The following EEA1 variants were observed in gnomAD, a reference collection of about 807,000 sequenced individuals.
The protein encoded by EEA1 is early endosome antigen 1, 162kD.
In EEA1, 111 loss-of-function variants were observed where a neutral mutation model predicts 209.2. The ratio of observed to expected loss-of-function variants is 0.53; its 90% CI spans 0.45 to 0.62. The LOEUF is 0.62. EEA1 is among the 20% of genes least tolerant of loss of function. The pLI, the probability that EEA1 is intolerant of heterozygous loss-of-function variation, is 0.00. For missense variants in EEA1, 1,343 were observed against 1,530.8 expected (o/e 0.88, Z 2.05); for synonymous variants, 536 against 540.6 (o/e 0.99, Z 0.12).
chr12:92,884,065 C>T, intron 2 of EEA1: 2 of 1,325,770 alleles, frequency 1.5e-6, no homozygotes, highest in Non-Finnish European at 2.1e-6. Context: ...TTCTCAAAGA[C>T]CAGGTGCCCA....
chr12:92,804,727 T>A (rs986039614), intron 18 of EEA1, among the ~76,000 whole-genome samples: 1 of 151,844 alleles, frequency 6.6e-6, no homozygotes, highest in African/African-American at 2.4e-5. Context: ...AAATACATTG[T>A]AAGATGGGAG....
At chr12:92,856,610 C>A (rs534445359) in intron 5 of EEA1, among the ~76,000 whole-genome samples, 1 of 151,860 alleles carries the variant, frequency 6.6e-6, no homozygotes, top group South Asian at 2.1e-4. Context: ...CTTTCCCTAC[C>A]AATATACACT....
At chr12:92,897,929 A>T (rs1247279178) in intron 1 of EEA1, among the ~76,000 whole-genome samples, 1 of 152,246 alleles carries the variant, frequency 6.6e-6, no homozygotes, top group Non-Finnish European at 1.5e-5. Context: ...TTGCACACTT[A>T]ATAGACTACA....
intron 2 of EEA1, among the ~76,000 whole-genome samples, chr12:92,881,584 C>T (rs537904663): frequency 6.6e-6 from 1 of 151,958 alleles, no homozygotes; most frequent in African/African-American, 2.4e-5. Context: ...CAGCAAGAGT[C>T]GACTGGACTA....
At chr12:92,830,037 A>C (rs892973401) in intron 11 of EEA1, among the ~76,000 whole-genome samples, 2 of 151,918 alleles carry the variant, frequency 1.3e-5, no homozygotes, top group Non-Finnish European at 2.9e-5. Context: ...GGGTTGAAAA[A>C]TTACCTGTTG....
At chr12:92,820,007 C>T (rs1295654311) in intron 13 of EEA1, among the ~76,000 whole-genome samples, 1 of 152,182 alleles carries the variant, frequency 6.6e-6, no homozygotes, top group East Asian at 1.9e-4. Context: ...TATTCCCTAT[C>T]TTGGTTATCA....
intron 8 of EEA1, 126 bp from the exon 9 acceptor site, chr12:92,851,392 A>C: frequency 1.1e-6 from 1 of 884,050 alleles, no homozygotes; most frequent in Non-Finnish European, 1.7e-6. Flanking sequence ...TTAGACTTCA[A>C]ACATTGAACA....
intron 1 of EEA1, among the ~76,000 whole-genome samples, chr12:92,909,297 ATAT>A (rs777729621): frequency 6.6e-6 from 1 of 152,216 alleles, no homozygotes. Flanking sequence ...AATCTGAAAC[ATAT>A]TATTGTGCCA....
At chr12:92,902,996 G>A (rs537064860) in intron 1 of EEA1, among the ~76,000 whole-genome samples, 5 of 148,812 alleles carry the variant, frequency 3.4e-5, no homozygotes, top group South Asian at 2.1e-4. Flanking sequence ...GTGCAGCGGC[G>A]CGATCTTGAC....
chr12:92,841,540 T>A (rs932543028), intron 10 of EEA1, among the ~76,000 whole-genome samples: 1 of 152,086 alleles, frequency 6.6e-6, no homozygotes. Flanking sequence ...GGGGTTAATA[T>A]CCAGAATATA....
At position 92,827,911 on chromosome 12, in the gene EEA1, C is replaced by T; in HGVS notation, c.1404+1G>A. 1 of 1,554,218 alleles carries T rather than the reference C, an allele frequency of 6.4e-7. No individual in the cohort carries two copies. The highest frequency in any genetic ancestry group is 1.2e-5 in the South Asian group (1 of 81,054). ...TCAATAAATTGAAAATGCTAGCTTA[C>T]CTGCTCTTCTAACCGAGAAAGTTTG... On this transcript the variant is annotated splice_donor_variant, in intron 12 of 28. Coordinates refer to ENST00000322349, the MANE Select transcript of EEA1 (RefSeq NM_003566.4). LOFTEE classifies it high-confidence loss of function.
chr12:92,789,576 T>C (rs1192463552), intron 21 of EEA1, among the ~76,000 whole-genome samples: 1 of 151,232 alleles, frequency 6.6e-6, no homozygotes, highest in African/African-American at 2.4e-5. Flanking sequence ...GAGAGGGGGG[T>C]CTGCCATTGC....
intron 3 of EEA1, chr12:92,858,374 G>A (rs878895658): frequency 3.0e-6 from 3 of 1,014,660 alleles, no homozygotes; most frequent in Admixed American, 1.8e-5. Context: ...CTTCCAAAGG[G>A]TTTGACTACA....
intron 12 of EEA1, 141 bp from the exon 13 acceptor site, chr12:92,826,426 T>G: frequency 1.9e-5 from 13 of 673,518 alleles, no homozygotes; most frequent in Non-Finnish European, 3.0e-5. Flanking sequence ...AAGTGGTACC[T>G]TGGCTGGGCA....
chr12:92,879,201 A>AT (rs34766702), intron 2 of EEA1: 34,911 of 233,242 alleles, frequency 0.15, 1,244 homozygotes, highest in South Asian at 0.25. Context: ...TGGATTCTGG[A>AT]TTTTTTTTTT....
At position 92,902,506 on chromosome 12, in the gene EEA1, G is replaced by A. The variant is rs559495820; in HGVS notation, c.25-10785C>T. Among the ~76,000 whole-genome samples, 3 of 152,296 alleles carry A rather than the reference G, an allele frequency of 2.0e-5. No homozygotes were observed. The East Asian group carries it at 5.8e-4, about 29-fold the overall frequency. On this transcript the variant is annotated intron_variant, in intron 1 of 28. Coordinates refer to ENST00000322349, the MANE Select transcript of EEA1 (RefSeq NM_003566.4). ...GCCTGTAATCCCAGAAGTTTGGGAGGCCAAAGTGGGCATAACACGAGGTCA... is the reference window on the plus strand; with the variant it reads ...GCCTGTAATCCCAGAAGTTTGGGAGACCAAAGTGGGCATAACACGAGGTCA...
rs1459154470 is a variant in EEA1 at position 92,897,979 on chromosome 12, A to G, written c.25-6258T>C. Among the ~76,000 whole-genome samples the G allele has an allele frequency of 4.6e-5, 7 of 152,308 alleles. No homozygotes were observed. In the South Asian group the frequency reaches 1.4e-3, roughly 32 times the overall value. ...TAATTTTTATATGCACTGTGAAACC[A>G]AAGAATTTATGTGACTCGTTTTATT... On this transcript the variant is annotated intron_variant, in intron 1 of 28. Coordinates refer to ENST00000322349, the MANE Select transcript of EEA1 (RefSeq NM_003566.4).
At position 92,857,345 on chromosome 12, in the gene EEA1, T is replaced by C. The variant is rs757925003; in HGVS notation, c.301-5A>G. 57 of 1,578,878 alleles carry C rather than the reference T, an allele frequency of 3.6e-5. No individual in the cohort carries two copies. The highest frequency in any genetic ancestry group is 4.6e-5 in the Non-Finnish European group (54 of 1,165,392). ...TTCCGAGTACCATTTTTCTTCCTAA[T>C]AAAAAAGATTTTTAATTAGTAAATT... is the stretch of plus-strand genomic sequence containing the variant. On this transcript the variant is annotated splice_region_variant and splice_polypyrimidine_tract_variant and intron_variant, in intron 4 of 28. Coordinates refer to ENST00000322349, the MANE Select transcript of EEA1 (RefSeq NM_003566.4).
intron 1 of EEA1, among the ~76,000 whole-genome samples, chr12:92,916,878 C>T (rs570916159): frequency 7.0e-6 from 1 of 143,630 alleles, no homozygotes; most frequent in Non-Finnish European, 1.5e-5. Context: ...ACTAGAATAA[C>T]CAATACAGAG....
Sources: gnomAD v4.1 joint callset for allele counts (sites outside exome capture counted in the v4.1 genomes callset) on GRCh38, gnomAD v4.1.1 for gene constraint, MANE v1.5 for transcripts, NCBI Gene and HGNC (gene_info 2026-07-23, HGNC 2026-07-21) for gene names.